PTCHD4: variants seen among roughly 807,000 people sequenced by gnomAD.
PTCHD4 encodes patched domain containing 4, also known as patched domain-containing protein 4.
In PTCHD4, 33 loss-of-function variants were observed where a neutral mutation model predicts 58.1. The observed-to-expected ratio is 0.57, with a 90% CI of 0.43 to 0.76. The LOEUF (loss-of-function observed/expected upper bound fraction) is 0.76. PTCHD4 is among the 30% of genes least tolerant of loss of function. The pLI is 0.00. For missense variants in PTCHD4, 1,058 were observed against 1,027.1 expected, an observed-to-expected ratio of 1.03 and a Z score of -0.41; for synonymous variants, 478 against 409.6, an observed-to-expected ratio of 1.17 and a Z score of -2.02.
intron 1 of PTCHD4, among the ~76,000 whole-genome samples, chr6:48,070,526 C>A (rs1310898617): frequency 1.3e-5 from 2 of 152,102 alleles, no homozygotes; most frequent in Non-Finnish European, 2.9e-5. Flanking sequence ...AATAAAAATT[C>A]CGCCCTTTCT....
At chr6:48,067,511 C>T (rs988017675) in intron 3 of PTCHD4, among the ~76,000 whole-genome samples, 2 of 152,154 alleles carry the variant, frequency 1.3e-5, no homozygotes, top group African/African-American at 4.8e-5. Flanking sequence ...GTTTGCTATG[C>T]AAACACCCAT....
intron 4 of PTCHD4, among the ~76,000 whole-genome samples, chr6:47,941,885 C>T (rs1022241879): frequency 2.6e-5 from 4 of 152,070 alleles, no homozygotes; most frequent in Non-Finnish European, 5.9e-5. Flanking sequence ...TAAAAGTGGT[C>T]TCTTTTTAAG....
At chr6:47,999,069 A>G (rs961638810) in intron 4 of PTCHD4, among the ~76,000 whole-genome samples, 1 of 152,344 alleles carries the variant, frequency 6.6e-6, no homozygotes, top group East Asian at 1.9e-4. Context: ...TCTATCCCCC[A>G]GTGAGTCAAA....
At chr6:48,035,975 C>A (rs1036749009) in intron 3 of PTCHD4, among the ~76,000 whole-genome samples, 2 of 152,012 alleles carry the variant, frequency 1.3e-5, no homozygotes, top group South Asian at 4.1e-4. Flanking sequence ...ACTAAGATCA[C>A]CCCCTGAATA....
At chr6:47,947,770 G>T (rs919965662) in intron 4 of PTCHD4, among the ~76,000 whole-genome samples, 6 of 151,856 alleles carry the variant, frequency 4.0e-5, no homozygotes, top group Non-Finnish European at 7.4e-5. Flanking sequence ...TATTTCAACT[G>T]CTTGAATTCC....
intron 3 of PTCHD4, 72 bp from the exon 4 acceptor site, chr6:48,009,186 A>C (rs1178745817): frequency 6.2e-6 from 9 of 1,442,142 alleles, no homozygotes; most frequent in Non-Finnish European, 7.4e-6. Context: ...ACTCTAAGTG[A>C]AGGAGCACAA....
chr6:48,002,919 A>C (rs1004372000), intron 4 of PTCHD4, among the ~76,000 whole-genome samples: 28 of 152,082 alleles, frequency 1.8e-4, no homozygotes, highest in African/African-American at 6.3e-4. Flanking sequence ...TCAGATGGCT[A>C]CTTCTCAGTT....
intron 4 of PTCHD4, among the ~76,000 whole-genome samples, chr6:47,937,305 A>G (rs1212031958): frequency 2.6e-5 from 4 of 152,200 alleles, no homozygotes; most frequent in Non-Finnish European, 4.4e-5. Context: ...ATGAAAAATG[A>G]TGTTGGCCTG....
chr6:47,996,414 G>A (rs990818399), intron 4 of PTCHD4, among the ~76,000 whole-genome samples: 2 of 134,138 alleles, frequency 1.5e-5, no homozygotes, highest in Admixed American at 8.0e-5. Flanking sequence ...GGCAGGGCTT[G>A]AAGTGAGCCA....
At chr6:47,992,917 A>T (rs923982126) in intron 4 of PTCHD4, among the ~76,000 whole-genome samples, 2 of 152,206 alleles carry the variant, frequency 1.3e-5, no homozygotes, top group Non-Finnish European at 2.9e-5. Context: ...TGAGATACAG[A>T]TACTCAATGA....
chr6:48,111,102 T>A lies in PTCHD4; in HGVS notation c.-1023A>T, dbSNP rs866064117. ...TGGAGGCAACAACAGAATTGGAGAG[T>A]GAGAGGGGATTTCTTTTATTTCTTC... On this transcript the variant is annotated 5_prime_UTR_variant, in exon 1 of 5. Transcript: ENST00000339488. Among the ~76,000 whole-genome samples, 3 of 151,828 alleles carry A rather than the reference T, an allele frequency of 2.0e-5. No homozygotes were observed. The highest frequency in any genetic ancestry group is 2.9e-5 in the Non-Finnish European group (2 of 67,974).
At chr6:48,102,186 C>T (rs527709204) in intron 1 of PTCHD4, among the ~76,000 whole-genome samples, 3 of 152,322 alleles carry the variant, frequency 2.0e-5, no homozygotes, top group Admixed American at 2.0e-4. Context: ...ACTCTTCTTC[C>T]TTGTAGGAGA....
rs565899693 is a variant in PTCHD4, at chr6:47,874,659, C to T, written c.*3644G>A. Among the ~76,000 whole-genome samples the T allele has an allele frequency of 2.7e-4, 41 of 151,794 alleles. No individual in the cohort carries two copies. Among genetic ancestry groups the T allele is most frequent in the Middle Eastern group, 3.4e-3 (1 of 294 alleles). The stretch of plus-strand genomic sequence containing the variant: ...AATAGCATCATAAAACATTTGTCAT[C>T]ATTATTCTTCTCACCTCACAAGGTA... On this transcript the variant is annotated 3_prime_UTR_variant, in exon 5 of 5. Coordinates refer to ENST00000339488, the MANE Select transcript of PTCHD4 (RefSeq NM_001384253.1).
At position 48,070,890 on chromosome 6, in the gene PTCHD4, C is replaced by G. The variant is rs143564735; in HGVS notation, c.-969-964G>C. On this transcript the variant is annotated intron_variant, in intron 1 of 4. Transcript: ENST00000339488. ...ATGTATCTATCGTCCATTTTCTATA[C>G]CTTCGTTATTACATTAAATATACTT... Among the ~76,000 whole-genome samples, 27 of 152,290 alleles carry G rather than the reference C, an allele frequency of 1.8e-4. No individual in the cohort carries two copies. The East Asian group carries it at 4.0e-3, about 23-fold the overall frequency.
chr6:48,040,210 A>G (rs189795545), intron 3 of PTCHD4, among the ~76,000 whole-genome samples: 1 of 152,216 alleles, frequency 6.6e-6, no homozygotes, highest in East Asian at 1.9e-4. Flanking sequence ...TGGTCTATCA[A>G]TCCAAGGAGG....
rs759800785 is a variant in PTCHD4, at chr6:47,878,558, A to G, written c.2277T>C (p.Asn759=). The stretch of plus-strand genomic sequence containing the variant: ...CTAACCCAATAAGAAAAGAAGTAAC[A>G]TTTTGCAAAATGGCTGTCCCATGGT... ...LQDHGTAILQ[N]VTSFLIGLVP... is the part of the protein sequence containing the mutation. Residue 759 remains asparagine (N), a synonymous_variant, in exon 5 of 5, where the codon AAT becomes AAC. Coordinates refer to ENST00000339488, the MANE Select transcript of PTCHD4 (RefSeq NM_001384253.1). The G allele has an allele frequency of 5.0e-6, 8 of 1,613,524 alleles. No individual in the cohort carries two copies. Among genetic ancestry groups the G allele is most frequent in the East Asian group, 2.2e-5 (1 of 44,834 alleles).
chr6:47,862,278 T>C lies in PTCHD4; in HGVS notation c.*16025A>G, dbSNP rs1763448954. Reference sequence around the variant, plus strand: ...ATCTTGGGTCTGGCGTATATCATAGTTTAGTAGCTGTGCTGTTGGGACCAA... The same window carrying C: ...ATCTTGGGTCTGGCGTATATCATAGCTTAGTAGCTGTGCTGTTGGGACCAA... On this transcript the variant is annotated 3_prime_UTR_variant, in exon 5 of 5. Transcript: ENST00000339488. Among the ~76,000 whole-genome samples, 1 of 151,694 alleles carries C rather than the reference T, an allele frequency of 6.6e-6. No homozygotes were observed. The highest frequency in any genetic ancestry group is 6.6e-5 in the Admixed American group (1 of 15,192).
intron 3 of PTCHD4, among the ~76,000 whole-genome samples, chr6:48,047,952 A>C (rs1463989562): frequency 1.3e-5 from 2 of 151,524 alleles, no homozygotes; most frequent in African/African-American, 4.8e-5. Flanking sequence ...GTAATAGTAC[A>C]CATAAGAATT....
chr6:47,956,135 T>C (rs1212109086), intron 4 of PTCHD4, among the ~76,000 whole-genome samples: 1 of 152,204 alleles, frequency 6.6e-6, no homozygotes, highest in African/African-American at 2.4e-5. Context: ...TTTCTTTTCA[T>C]TGAGAGATAT....
Sources: allele counts gnomAD v4.1 joint callset (sites outside exome capture counted in the v4.1 genomes callset), GRCh38; gene constraint gnomAD v4.1.1; transcripts MANE v1.5; gene names NCBI Gene and HGNC (gene_info 2026-07-23, HGNC 2026-07-21).